Variants in CHRM2 observed in about 807,000 individuals in gnomAD.
The protein encoded by CHRM2 is muscarinic acetylcholine receptor M2.
A neutral mutation model predicts 25.0 loss-of-function variants in CHRM2; 8 were observed. The ratio of observed to expected loss-of-function variants is 0.32; its 90% CI spans 0.19 to 0.58. CHRM2 has a LOEUF of 0.58. Ranked by LOEUF, CHRM2 falls within the 20% of genes least tolerant of loss-of-function variation. The pLI is 0.88. For missense variants in CHRM2, 440 were observed against 567.1 expected, an observed-to-expected ratio of 0.78 and a Z score of 2.28; for synonymous variants, 202 against 205.7, an observed-to-expected ratio of 0.98 and a Z score of 0.15.
chr7:136,981,674 C>T (rs1409799922), intron 2 of CHRM2, among the ~76,000 whole-genome samples: 1 of 152,126 alleles, frequency 6.6e-6, no homozygotes. Context: ...TTTCAAAGAA[C>T]TTATTTATTT....
At chr7:136,871,593 AG>A (rs1795842998) in intron 2 of CHRM2, 1 of 152,650 alleles carries the variant, frequency 6.6e-6, no homozygotes, top group African/African-American at 2.4e-5. Context: ...ACCATATGAT[AG>A]GAAATATATG....
intron 2 of CHRM2, among the ~76,000 whole-genome samples, chr7:136,968,265 G>A (rs1801538172): frequency 6.6e-6 from 1 of 151,838 alleles, no homozygotes; most frequent in African/African-American, 2.4e-5. Flanking sequence ...TGACTGATAA[G>A]TATATGAAAA....
intron 2 of CHRM2, among the ~76,000 whole-genome samples, chr7:136,981,626 C>T (rs1802493039): frequency 6.6e-6 from 1 of 152,072 alleles, no homozygotes; most frequent in African/African-American, 2.4e-5. Context: ...TTTGGTGTGT[C>T]CCAGAGATCT....
chr7:136,901,928 T>G (rs1797232638), intron 2 of CHRM2: 1 of 151,992 alleles, frequency 6.6e-6, no homozygotes, highest in Non-Finnish European at 1.5e-5. Context: ...AGAGGTGTGC[T>G]GCTCGTCTCT....
At chr7:136,897,038 G>A (rs2130591444) in intron 2 of CHRM2, among the ~76,000 whole-genome samples, 1 of 151,770 alleles carries the variant, frequency 6.6e-6, no homozygotes, top group Middle Eastern at 3.4e-3. Flanking sequence ...AGTGTGGTAG[G>A]CAAGGAGGGG....
intron 3 of CHRM2, among the ~76,000 whole-genome samples, chr7:137,009,987 A>C (rs548198190): frequency 6.6e-6 from 1 of 152,114 alleles, no homozygotes; most frequent in African/African-American, 2.4e-5. Context: ...TGATAATTCT[A>C]TACTCACTTG....
At chr7:136,911,394 T>C (rs1476968751) in intron 2 of CHRM2, among the ~76,000 whole-genome samples, 1 of 151,934 alleles carries the variant, frequency 6.6e-6, no homozygotes, top group Non-Finnish European at 1.5e-5. Context: ...TTAAATGCCA[T>C]TATGTTTCTC....
At chr7:137,011,708 G>C (rs1254113353) in intron 3 of CHRM2, among the ~76,000 whole-genome samples, 1 of 151,912 alleles carries the variant, frequency 6.6e-6, no homozygotes, top group African/African-American at 2.4e-5. Context: ...CTAAAATTAA[G>C]TTCACAAGTC....
chr7:136,902,542 T>G (rs1423673909), intron 2 of CHRM2: 1 of 152,416 alleles, frequency 6.6e-6, no homozygotes, highest in Non-Finnish European at 1.5e-5. Flanking sequence ...AGATGACTCT[T>G]ATGAACTCAT....
At chr7:136,983,127 G>A (rs1051962220) in intron 2 of CHRM2, among the ~76,000 whole-genome samples, 2 of 152,008 alleles carry the variant, frequency 1.3e-5, no homozygotes, top group Admixed American at 6.6e-5. Context: ...TTTCTTGGAG[G>A]CTTTATTCAT....
intron 2 of CHRM2, among the ~76,000 whole-genome samples, chr7:136,924,256 C>T (rs1284614396): frequency 6.6e-6 from 1 of 151,728 alleles, no homozygotes; most frequent in Non-Finnish European, 1.5e-5. Flanking sequence ...TACATGTGCA[C>T]AACGTGCAGG....
At chr7:136,938,489 T>C in intron 2 of CHRM2, 3 of 1,068,962 alleles carry the variant, frequency 2.8e-6, no homozygotes, top group Non-Finnish European at 4.4e-6. Flanking sequence ...ATGTTGGGGT[T>C]CACCTCTAGG....
intron 2 of CHRM2, among the ~76,000 whole-genome samples, chr7:136,987,807 T>A (rs1802957899): frequency 6.6e-6 from 1 of 152,196 alleles, no homozygotes; most frequent in African/African-American, 2.4e-5. Context: ...CTTAAACACA[T>A]TCGGACTTCA....
intron 2 of CHRM2, among the ~76,000 whole-genome samples, chr7:136,892,284 AC>A (rs1318194312): frequency 6.6e-6 from 1 of 152,210 alleles, no homozygotes; most frequent in Non-Finnish European, 1.5e-5. Context: ...TTGAGAATAA[AC>A]TTTAAGAAGA....
intron 2 of CHRM2, among the ~76,000 whole-genome samples, chr7:136,885,493 G>A (rs1027659440): frequency 1.3e-5 from 2 of 152,104 alleles, no homozygotes; most frequent in African/African-American, 4.8e-5. Context: ...TTACATTTCT[G>A]TCCCCCTGCA....
At chr7:136,948,033 C>T (rs953052813) in intron 2 of CHRM2, among the ~76,000 whole-genome samples, 15 of 152,236 alleles carry the variant, frequency 9.9e-5, no homozygotes, top group Non-Finnish European at 1.8e-4. Flanking sequence ...ATTGTGGTTC[C>T]AGTCCTCATG....
chr7:136,960,775 C>T (rs1289560339), intron 2 of CHRM2, among the ~76,000 whole-genome samples: 1 of 152,124 alleles, frequency 6.6e-6, no homozygotes, highest in Non-Finnish European at 1.5e-5. Flanking sequence ...TAAACTCTTT[C>T]ACTTGCAATG....
intron 3 of CHRM2, among the ~76,000 whole-genome samples, chr7:137,006,021 C>T (rs1369689542): frequency 6.6e-6 from 1 of 152,038 alleles, no homozygotes; most frequent in Non-Finnish European, 1.5e-5. Flanking sequence ...CTTGCGGGAA[C>T]AAAACAACCT....
intron 2 of CHRM2, among the ~76,000 whole-genome samples, chr7:136,884,429 G>C (rs867407398): frequency 6.6e-6 from 1 of 151,192 alleles, no homozygotes; most frequent in Non-Finnish European, 1.5e-5. Context: ...CATCCTAAAG[G>C]CTTGATAACC....
Sources: gnomAD v4.1 joint callset for allele counts (sites outside exome capture counted in the v4.1 genomes callset) on GRCh38, gnomAD v4.1.1 for gene constraint, MANE v1.5 for transcripts, NCBI Gene and HGNC (gene_info 2026-07-23, HGNC 2026-07-21) for gene names.